ESD: variants seen among roughly 807,000 people sequenced by gnomAD.
ESD encodes the protein esterase D.
In ESD, 34 loss-of-function variants were observed where a neutral mutation model predicts 38.1. The observed-to-expected ratio is 0.89, with a 90% CI of 0.68 to 1.19. The LOEUF (loss-of-function observed/expected upper bound fraction) is 1.19, where lower values mean the gene tolerates loss of function less well. ESD is among the 50% of genes most tolerant of loss of function. ESD has a pLI of 0.00. For missense variants in ESD, 334 were observed against 327.2 expected, an observed-to-expected ratio of 1.02 and a Z score of -0.16; for synonymous variants, 97 against 107.0, an observed-to-expected ratio of 0.91 and a Z score of 0.58.
At chr13:46,786,330 C>G (rs1875191560) in intron 4 of ESD, among the ~76,000 whole-genome samples, 1 of 151,876 alleles carries the variant, frequency 6.6e-6, no homozygotes. Flanking sequence ...TTACAGGAAC[C>G]AATTTGAAGG....
intron 6 of ESD, 147 bp from the exon 7 acceptor site, chr13:46,781,762 C>A: frequency 1.4e-6 from 1 of 697,566 alleles, no homozygotes. Context: ...CAAAACAAAA[C>A]TAAATCCTCA....
intron 2 of ESD, among the ~76,000 whole-genome samples, chr13:46,792,805 TTA>T (rs1251880409): frequency 5.9e-5 from 9 of 151,976 alleles, no homozygotes; most frequent in African/African-American, 2.2e-4. Context: ...AATAATGAAC[TTA>T]TAGAGAGAGA....
At position 46,780,346 on chromosome 13, in the gene ESD, C is replaced by G. The variant is rs565208804; in HGVS notation, c.502-313G>C. On this transcript the variant is annotated intron_variant, in intron 7 of 9. Coordinates refer to ENST00000378720, the MANE Select transcript of ESD (RefSeq NM_001984.2). ...GTTCAGCGTTTCTGCTTTTTTAGCA[C>G]TGAAAATTAATCTATAGTGATATAA... Among the ~76,000 whole-genome samples, 7 of 151,798 alleles carry G rather than the reference C, an allele frequency of 4.6e-5. No individual in the cohort carries two copies. The South Asian group carries it at 1.5e-3, about 31-fold the overall frequency.
chr13:46,774,661 C>T (rs569734719), intron 9 of ESD, among the ~76,000 whole-genome samples: 1 of 152,298 alleles, frequency 6.6e-6, no homozygotes, highest in African/African-American at 2.4e-5. Context: ...GGGAGCAGTG[C>T]TCCAGCAGCT....
chr13:46,776,652 T>G (rs1419163559), intron 9 of ESD: 1 of 152,108 alleles, frequency 6.6e-6, no homozygotes, highest in South Asian at 2.1e-4. Context: ...TTTTACAAAC[T>G]AATGTACCAC....
rs1290597349 is a variant in ESD at position 46,784,314 on chromosome 13, G to A, written c.194C>T (p.Ser65Phe). The change falls in exon 5 of 10, where the codon TCT (serine) becomes TTT (phenylalanine). Residue 65 changes from serine to phenylalanine, a missense_variant. Ser to Phe is a radical substitution (Grantham distance 155). Coordinates refer to ENST00000378720, the MANE Select transcript of ESD (RefSeq NM_001984.2). ...TCTEQNFISK[S>F]GYHQSASEHG... The stretch of plus-strand genomic sequence containing the variant: ...TTCTGAAGCAGACTGATGATAACCA[G>A]ATTTTGATATAAAATTTTGCTCTGT... The A allele has an allele frequency of 6.2e-7, 1 of 1,611,468 alleles. No homozygotes were observed. The highest frequency in any genetic ancestry group is 8.5e-7 in the Non-Finnish European group (1 of 1,178,772).
At chr13:46,777,400 T>C (rs780157000) in intron 9 of ESD, 56 bp downstream of exon 9, 7 of 1,306,136 alleles carry the variant, frequency 5.4e-6, no homozygotes, top group Non-Finnish European at 7.3e-6. Context: ...TATCACAGAA[T>C]CCTAATTTTT....
rs565151199 is a variant in ESD at position 46,783,307 on chromosome 13, T to C, written c.257-516A>G. Among the ~76,000 whole-genome samples, 4 of 152,100 alleles carry C rather than the reference T, an allele frequency of 2.6e-5. No individual in the cohort carries two copies. In the South Asian group the frequency reaches 8.3e-4, roughly 31 times the overall value. ...AATATGCTTTCCATCACATTTTTCCTATCTATCCAACCTCCACTGGAATTT... is the reference window on the plus strand; with the variant it reads ...AATATGCTTTCCATCACATTTTTCCCATCTATCCAACCTCCACTGGAATTT... On this transcript the variant is annotated intron_variant, in intron 5 of 9. Transcript: ENST00000378720.
At chr13:46,789,991 C>CATATATAT (rs1163985354) in intron 3 of ESD, among the ~76,000 whole-genome samples, 3 of 140,284 alleles carry the variant, frequency 2.1e-5, no homozygotes, top group Non-Finnish European at 3.0e-5. Flanking sequence ...AATTTTTGTA[C>CATATATAT]ATATATATAT....
Position 46,771,416 on chromosome 13 carries a change from T to C in ESD, c.849A>G (p.Ter283TrpextTer5). Residue 283 changes from the stop codon to tryptophan (W), a stop_lost, in exon 10 of 10, where the codon TGA (stop) becomes TGG (tryptophan). Transcript: ENST00000378720. ...IRHHAKYLNA[*>W] ...AGAGATTCTCTTATTTGGAGTTTTT[T>C]CATGCATTCAGGTATTTAGCATGAT... is the stretch of plus-strand genomic sequence containing the variant. 2 of 1,591,318 alleles carry C rather than the reference T, an allele frequency of 1.3e-6. No homozygotes were observed. Among genetic ancestry groups the C allele is most frequent in the African/African-American group, 2.7e-5 (2 of 74,364 alleles).
intron 6 of ESD, 51 bp from the exon 7 acceptor site, chr13:46,781,666 G>A (rs987033243): frequency 2.6e-6 from 4 of 1,528,018 alleles, no homozygotes; most frequent in Non-Finnish European, 2.7e-6. Context: ...AATAAGTTCA[G>A]ACATTTCAAA....
chr13:46,790,914 G>A (rs1875373791), intron 3 of ESD, among the ~76,000 whole-genome samples: 1 of 152,112 alleles, frequency 6.6e-6, no homozygotes, highest in African/African-American at 2.4e-5. Flanking sequence ...ATAGGTATAT[G>A]TATGTGTGCG....
At chr13:46,777,366 T>A in intron 9 of ESD, 90 bp downstream of exon 9, 1 of 1,038,676 alleles carries the variant, frequency 9.6e-7, no homozygotes, top group Non-Finnish European at 1.3e-6. Flanking sequence ...TAGCATTTTA[T>A]ATTCTAAAAT....
At chr13:46,780,360 A>G (rs1874956876) in intron 7 of ESD, among the ~76,000 whole-genome samples, 1 of 151,808 alleles carries the variant, frequency 6.6e-6, no homozygotes, top group Non-Finnish European at 1.5e-5. Flanking sequence ...AAATTAATCT[A>G]TAGTGATATA....
chr13:46,787,129 C>A lies in ESD; in HGVS notation c.69-20G>T. 1 of 1,424,114 alleles carries A rather than the reference C, an allele frequency of 7.0e-7. No homozygotes were observed. Among genetic ancestry groups the A allele is most frequent in the Non-Finnish European group, 9.7e-7 (1 of 1,035,334 alleles). The allele number at this position is 1,424,114 out of a possible 1,614,324, so 88.2% of individuals were successfully genotyped here. A position where few individuals can be genotyped will look rare whatever the true frequency, so the allele number is the denominator to read the frequency against. The stretch of plus-strand genomic sequence containing the variant: ...TCAACACTAGTTTTAACAAAAACAA[C>A]AACAAAATATTAATGCCCCTCATTA... On this transcript the variant is annotated intron_variant, in intron 3 of 9. Transcript: ENST00000378720.
rs1314081614 is a variant in ESD, at chr13:46,787,094, G to C, written c.84C>G (p.Cys28Trp). ...GTAAGTAGACAGCAAATTTCATTTT[G>C]CAGTTTAGTTCAACACTAGTTTTAA... The part of the protein sequence containing the change: ...VFEHDSVELN[C>W]KMKFAVYLPP... Residue 28 changes from cysteine (C) to tryptophan (W), a missense_variant, in exon 4 of 10, where the codon TGC (cysteine) becomes TGG (tryptophan). By Grantham distance (215) the Cys-to-Trp change is radical. Transcript: ENST00000378720. 1 of 1,574,772 alleles carries C rather than the reference G, an allele frequency of 6.4e-7. No individual in the cohort carries two copies. The highest frequency in any genetic ancestry group is 1.3e-5 in the African/African-American group (1 of 74,230).
At chr13:46,784,468 T>A (rs1003067267) in intron 4 of ESD, 118 bp from the exon 5 acceptor site, 2 of 663,962 alleles carry the variant, frequency 3.0e-6, no homozygotes, top group Non-Finnish European at 5.2e-6. Context: ...AAACTACCAG[T>A]TAGGTACTAT....
Position 46,787,089 on chromosome 13 carries a change from A to G in ESD, c.89T>C (p.Met30Thr). 6.3e-7 allele frequency: 1 copy of G among 1,577,990 alleles called. No individual in the cohort carries two copies. The highest frequency in any genetic ancestry group is 1.2e-5 in the South Asian group (1 of 86,430). The change falls in exon 4 of 10, where the codon ATG becomes ACG. Residue 30 changes from methionine (M) to threonine (T), a missense_variant. By Grantham distance (81) the Met-to-Thr change is moderately conservative. Coordinates refer to ENST00000378720, the MANE Select transcript of ESD (RefSeq NM_001984.2). ...TGGTGGTAAGTAGACAGCAAATTTCATTTTGCAGTTTAGTTCAACACTAGT... is the reference window on the plus strand; with the variant it reads ...TGGTGGTAAGTAGACAGCAAATTTCGTTTTGCAGTTTAGTTCAACACTAGT... ...EHDSVELNCK[M>T]KFAVYLPPKA... is the part of the protein sequence containing the mutation.
chr13:46,780,096 T>C, intron 7 of ESD, 63 bp from the exon 8 acceptor site: 1 of 1,090,458 alleles, frequency 9.2e-7, no homozygotes, highest in Non-Finnish European at 1.3e-6. Flanking sequence ...TGAATAGATA[T>C]TTGCAACTTA....
Sources: allele counts gnomAD v4.1 joint callset (sites outside exome capture counted in the v4.1 genomes callset), GRCh38; gene constraint gnomAD v4.1.1; transcripts MANE v1.5; gene names NCBI Gene and HGNC (gene_info 2026-07-23, HGNC 2026-07-21).